The following SGMS1 variants were observed in gnomAD, a reference collection of about 807,000 sequenced individuals.
SGMS1 encodes the protein phosphatidylcholine:ceramide cholinephosphotransferase 1.
SGMS1 carries 13 observed loss-of-function variants against 46.2 expected under a neutral mutation model. The observed-to-expected ratio is 0.28, with a 90% CI of 0.18 to 0.45. SGMS1 has a LOEUF of 0.45. SGMS1 is among the 20% of genes least tolerant of loss of function. The pLI, the probability that SGMS1 is intolerant of heterozygous loss-of-function variation, is 1.00. For missense variants in SGMS1, 324 were observed against 519.9 expected (o/e 0.62, Z 3.66); for synonymous variants, 203 against 187.8 (o/e 1.08, Z -0.66).
At chr10:50,454,873 C>T (rs1837171937) in intron 5 of SGMS1, among the ~76,000 whole-genome samples, 1 of 152,106 alleles carries the variant, frequency 6.6e-6, no homozygotes. Flanking sequence ...AGTAAACAGC[C>T]AACAAGAACA....
At chr10:50,575,890 G>A (rs887117888) in intron 2 of SGMS1, among the ~76,000 whole-genome samples, 1 of 152,058 alleles carries the variant, frequency 6.6e-6, no homozygotes, top group African/African-American at 2.4e-5. Flanking sequence ...ATAAAGGAAA[G>A]AAGTATAACT....
At chr10:50,492,831 C>G (rs570615776) in intron 3 of SGMS1, among the ~76,000 whole-genome samples, 102 of 152,170 alleles carry the variant, frequency 6.7e-4, no homozygotes, top group Middle Eastern at 6.8e-3. Context: ...AAAAAAGAGC[C>G]CCAGCAGCCA....
At chr10:50,361,355 C>A (rs1425112015) in intron 6 of SGMS1, among the ~76,000 whole-genome samples, 2 of 152,008 alleles carry the variant, frequency 1.3e-5, no homozygotes, top group Non-Finnish European at 2.9e-5. Context: ...CAGGATTAAG[C>A]AAGCATAAAC....
At chr10:50,370,906 G>A (rs915095922) in intron 6 of SGMS1, among the ~76,000 whole-genome samples, 13 of 151,984 alleles carry the variant, frequency 8.6e-5, no homozygotes, top group Non-Finnish European at 1.3e-4. Flanking sequence ...GATGCCTTCC[G>A]GAATTCCTCC....
intron 6 of SGMS1, among the ~76,000 whole-genome samples, chr10:50,395,938 T>G (rs1164095999): frequency 1.3e-5 from 2 of 152,192 alleles, no homozygotes; most frequent in Non-Finnish European, 2.9e-5. Flanking sequence ...CATTTCTGTT[T>G]CTAAAGTTAA....
intron 3 of SGMS1, among the ~76,000 whole-genome samples, chr10:50,512,230 T>C (rs144442616): frequency 0.013 from 1,952 of 151,974 alleles, 26 homozygotes; most frequent in Non-Finnish European, 0.02. Flanking sequence ...AAGGAGATGG[T>C]GTGAGGGAGT....
intron 1 of SGMS1, among the ~76,000 whole-genome samples, chr10:50,594,602 CTCTATAAAAAGCTG>C (rs533301475): frequency 6.0e-4 from 92 of 152,166 alleles, no homozygotes; most frequent in African/African-American, 2.2e-3. Context: ...CAATTATTTT[CTCTATAAAAAGCTG>C]TCCTTTATAG....
chr10:50,410,213 G>C (rs1849077103), intron 6 of SGMS1, among the ~76,000 whole-genome samples: 1 of 151,992 alleles, frequency 6.6e-6, no homozygotes, highest in Admixed American at 6.5e-5. Context: ...TTTCTAAATT[G>C]CAATAAAAAA....
At chr10:50,553,305 C>A (rs1440925233) in intron 2 of SGMS1, among the ~76,000 whole-genome samples, 1 of 152,112 alleles carries the variant, frequency 6.6e-6, no homozygotes, top group Non-Finnish European at 1.5e-5. Flanking sequence ...GTTAAATATA[C>A]CACCTTGGTC....
At chr10:50,436,998 C>T (rs1332616439) in intron 5 of SGMS1, among the ~76,000 whole-genome samples, 1 of 152,182 alleles carries the variant, frequency 6.6e-6, no homozygotes, top group Non-Finnish European at 1.5e-5. Context: ...GCCTCAGTTT[C>T]CTCATCTATA....
chr10:50,488,534 T>C (rs1453844261), intron 3 of SGMS1, among the ~76,000 whole-genome samples: 3 of 152,182 alleles, frequency 2.0e-5, no homozygotes, highest in African/African-American at 7.2e-5. Context: ...GGTCTCTCTT[T>C]CATAAAAGTC....
At chr10:50,469,918 T>C (rs969654263) in intron 3 of SGMS1, among the ~76,000 whole-genome samples, 6 of 152,202 alleles carry the variant, frequency 3.9e-5, no homozygotes, top group African/African-American at 1.4e-4. Flanking sequence ...AAGTTTACAT[T>C]TATAGGGCCA....
rs146392084 is a variant in SGMS1 at position 50,391,840 on chromosome 10, T to TAA, written c.-232+41634_-232+41635dup. On this transcript the variant is annotated intron_variant, in intron 6 of 10. Transcript: ENST00000361781. Reference sequence around the variant, plus strand: ...ATGCCATGGAACATTATGCAATCATTAAAAAAAAAAAAAAAAAAGAATGAG... The same window carrying TAA: ...ATGCCATGGAACATTATGCAATCATTAAAAAAAAAAAAAAAAAAAAGAATGAG... 1.1e-3 allele frequency among the ~76,000 whole-genome samples: 140 copies of TAA among 123,472 alleles called. 1 individual carries two copies. The East Asian group carries it at 0.019, about 17-fold the overall frequency. 81.0% of individuals were successfully genotyped at this position (123,472 alleles called of 152,430 possible).
chr10:50,419,994 C>G (rs1337944186), intron 6 of SGMS1, among the ~76,000 whole-genome samples: 1 of 152,230 alleles, frequency 6.6e-6, no homozygotes, highest in Non-Finnish European at 1.5e-5. Flanking sequence ...AGTCTCAGCT[C>G]TGCCAGTAAG....
chr10:50,515,517 C>T (rs561135708), intron 3 of SGMS1, among the ~76,000 whole-genome samples: 2 of 152,338 alleles, frequency 1.3e-5, no homozygotes, highest in Admixed American at 6.5e-5. Flanking sequence ...ATCAAGTCCC[C>T]GGCCCAGGAC....
At position 50,314,794 on chromosome 10, in the gene SGMS1, G is replaced by A. The variant is rs1055769891; in HGVS notation, c.742-3379C>T. Among the ~76,000 whole-genome samples, 8 of 152,220 alleles carry A rather than the reference G, an allele frequency of 5.3e-5. No individual in the cohort carries two copies. In the South Asian group the frequency reaches 6.2e-4, roughly 12 times the overall value. ...AAGTAAGCTGGATGTGGTGGCATGTGCCTGTAGTCCCAGCTACTTGGAAGG... is the reference window on the plus strand; with the variant it reads ...AAGTAAGCTGGATGTGGTGGCATGTACCTGTAGTCCCAGCTACTTGGAAGG... On this transcript the variant is annotated intron_variant, in intron 8 of 10. Coordinates refer to ENST00000361781, the MANE Select transcript of SGMS1 (RefSeq NM_147156.4).
chr10:50,555,948 C>T lies in SGMS1; in HGVS notation c.-589+34205G>A, dbSNP rs534790988. On this transcript the variant is annotated intron_variant, in intron 2 of 10. Coordinates refer to ENST00000361781, the MANE Select transcript of SGMS1 (RefSeq NM_147156.4). ...TCCAGTATTCTTTATCTTAGCTCAA[C>T]GGAAAGACCATCTAATTGCCAGGCT... Among the ~76,000 whole-genome samples the T allele has an allele frequency of 7.9e-5, 12 of 152,308 alleles. 1 individual carries two copies. The East Asian group carries it at 9.6e-4, about 12-fold the overall frequency.
At position 50,344,086 on chromosome 10, in the gene SGMS1, T is replaced by C; in HGVS notation, c.29A>G (p.Lys10Arg). 1 of 1,612,538 alleles carries C rather than the reference T, an allele frequency of 6.2e-7. No individual in the cohort carries two copies. The highest frequency in any genetic ancestry group is 1.1e-5 in the South Asian group (1 of 90,986). The change falls in exon 7 of 11, where the codon AAG (lysine) becomes AGG (arginine). Residue 10 changes from lysine to arginine, a missense_variant. By Grantham distance (26) the Lys-to-Arg change is conservative (BLOSUM62 2). This residue lies in a region of SGMS1 where 150 missense variants were observed against 169.8 expected (regional missense o/e 0.88). Transcript: ENST00000361781. MKEVVYWSP[K>R]KVADWLLENA... ...CTCCAGCAGCCAGTCTGCCACCTTC[T>C]TGGGTGACCAATAAACCACTTCCTT...
At chr10:50,316,300 C>T (rs529462012) in intron 8 of SGMS1, among the ~76,000 whole-genome samples, 14 of 152,262 alleles carry the variant, frequency 9.2e-5, no homozygotes, top group African/African-American at 2.9e-4. Flanking sequence ...AGCAGAAATG[C>T]GATTTAAAAT....
Sources: gnomAD v4.1 joint callset for allele counts (sites outside exome capture counted in the v4.1 genomes callset) on GRCh38, gnomAD v4.1.1 for gene constraint, gnomAD v4.1.1 regional missense constraint, MANE v1.5 for transcripts, NCBI Gene and HGNC (gene_info 2026-07-23, HGNC 2026-07-21) for gene names.